The following CALN1 variants were observed in gnomAD, a reference collection of about 807,000 sequenced individuals.
CALN1 encodes calneuron 1, also known as calcium-binding protein 8.
CALN1 carries 17 observed loss-of-function variants against 30.6 expected under a neutral mutation model. That is an observed-to-expected ratio of 0.56 (90% CI 0.38 to 0.83). The LOEUF is 0.83. Ranked by LOEUF, CALN1 falls within the 40% of genes least tolerant of loss-of-function variation. CALN1 has a pLI of 0.00. For missense variants in CALN1, 291 were observed against 354.9 expected (o/e 0.82, Z 1.45); for synonymous variants, 156 against 131.4 (o/e 1.19, Z -1.28).
At chr7:72,445,101 CACACA>C (rs1808485877) in intron 1 of CALN1, among the ~76,000 whole-genome samples, 1 of 134,856 alleles carries the variant, frequency 7.4e-6, no homozygotes, top group Non-Finnish European at 1.6e-5. Flanking sequence ...CACACACACA[CACACA>C]ACATTAAGTT....
intron 5 of CALN1, among the ~76,000 whole-genome samples, chr7:71,922,781 T>C (rs1299814679): frequency 7.2e-6 from 1 of 139,410 alleles, no homozygotes; most frequent in East Asian, 2.0e-4. Context: ...TATATATAAA[T>C]ATATAACAGA....
chr7:72,498,140 T>TCA, the CALN1 span, among the ~76,000 whole-genome samples: 1 of 152,010 alleles, frequency 6.6e-6, no homozygotes, highest in Non-Finnish European at 1.5e-5. Context: ...CCAAAAGTAA[T>TCA]CCAATGTATA....
chr7:71,979,734 G>A (rs1477140303), intron 5 of CALN1, among the ~76,000 whole-genome samples: 1 of 152,048 alleles, frequency 6.6e-6, no homozygotes, highest in Non-Finnish European at 1.5e-5. Context: ...ATGATACTCT[G>A]CCTACTGCTA....
chr7:72,280,086 C>T (rs1797632769), intron 2 of CALN1, among the ~76,000 whole-genome samples: 1 of 152,226 alleles, frequency 6.6e-6, no homozygotes, highest in South Asian at 2.1e-4. Context: ...GCAGACCCAG[C>T]TAAGTGCCAG....
At chr7:71,890,612 C>T (rs1030613019) in intron 5 of CALN1, among the ~76,000 whole-genome samples, 1 of 152,108 alleles carries the variant, frequency 6.6e-6, no homozygotes, top group African/African-American at 2.4e-5. Context: ...AATATTTTAT[C>T]TAGACATAAC....
At chr7:72,207,467 TTAGTAG>T (rs57532477) in intron 3 of CALN1, among the ~76,000 whole-genome samples, 1,817 of 151,764 alleles carry the variant, frequency 0.012, 36 homozygotes, top group African/African-American at 0.042. Flanking sequence ...GTTTGTTTAT[TTAGTAG>T]TAGTAGTAGT....
intron 5 of CALN1, among the ~76,000 whole-genome samples, chr7:71,970,126 G>A (rs1797722406): frequency 6.6e-6 from 1 of 152,146 alleles, no homozygotes; most frequent in South Asian, 2.1e-4. Context: ...TAGGATTACA[G>A]GCATGAGCCA....
intron 2 of CALN1, among the ~76,000 whole-genome samples, chr7:72,285,471 C>T (rs367992680): frequency 2.0e-5 from 3 of 152,234 alleles, no homozygotes; most frequent in East Asian, 3.9e-4. Flanking sequence ...TCTCGATCTC[C>T]TGACCTTGTG....
intron 4 of CALN1, among the ~76,000 whole-genome samples, chr7:72,043,763 A>G (rs1802281038): frequency 6.6e-6 from 1 of 152,162 alleles, no homozygotes; most frequent in Non-Finnish European, 1.5e-5. Context: ...AATAAAAAAG[A>G]GGTAAAGGGG....
At chr7:72,309,767 G>A (rs926708866) in intron 2 of CALN1, among the ~76,000 whole-genome samples, 6 of 152,172 alleles carry the variant, frequency 3.9e-5, no homozygotes, top group African/African-American at 1.4e-4. Flanking sequence ...AAGCCAAAGA[G>A]GTCCAAAAGC....
intron 2 of CALN1, among the ~76,000 whole-genome samples, chr7:72,326,795 T>C (rs1801309691): frequency 6.6e-6 from 1 of 151,976 alleles, no homozygotes; most frequent in Non-Finnish European, 1.5e-5. Context: ...CACAGCTGAG[T>C]GTAGGGGAAA....
intron 4 of CALN1, among the ~76,000 whole-genome samples, chr7:72,098,450 T>C (rs1806392202): frequency 6.6e-6 from 1 of 152,082 alleles, no homozygotes; most frequent in Non-Finnish European, 1.5e-5. Context: ...ACATCTGTAA[T>C]CCCACCACTT....
At chr7:72,314,410 T>TAA (rs1800289971) in intron 2 of CALN1, among the ~76,000 whole-genome samples, 1 of 151,098 alleles carries the variant, frequency 6.6e-6, no homozygotes, top group Non-Finnish European at 1.5e-5. Context: ...TATATACACA[T>TAA]ATATATACAC....
chr7:71,922,332 C>T lies in CALN1; in HGVS notation c.501+101325G>A, dbSNP rs748573110. 3.3e-5 allele frequency among the ~76,000 whole-genome samples: 5 copies of T among 151,792 alleles called. No individual in the cohort carries two copies. The East Asian group carries it at 5.8e-4, about 18-fold the overall frequency. ...AAGAATTAACTGCCTCATGAATAAA[C>T]GAAAGAATGAATGAATTCAACGACA... On this transcript the variant is annotated intron_variant, in intron 5 of 6. Transcript: ENST00000395275.
At chr7:71,902,790 T>C (rs916323958) in intron 5 of CALN1, among the ~76,000 whole-genome samples, 3 of 152,162 alleles carry the variant, frequency 2.0e-5, no homozygotes, top group Non-Finnish European at 2.9e-5. Context: ...TATTACGGAA[T>C]ACTACTCAGC....
intron 5 of CALN1, among the ~76,000 whole-genome samples, chr7:71,868,430 G>A (rs899353170): frequency 2.7e-5 from 4 of 150,470 alleles, no homozygotes; most frequent in African/African-American, 9.8e-5. Context: ...GGAGTGCGGT[G>A]GCACTATCTC....
At chr7:72,333,097 G>A (rs1028922887) in intron 2 of CALN1, among the ~76,000 whole-genome samples, 1 of 152,036 alleles carries the variant, frequency 6.6e-6, no homozygotes, top group Admixed American at 6.6e-5. Context: ...TATTCTCCAC[G>A]TGTTCTAATT....
rs1057241818 is a variant in CALN1, at chr7:72,190,854, T to C, written c.245-84560A>G. On this transcript the variant is annotated intron_variant, in intron 3 of 6. Transcript: ENST00000395275. ...TACATCGATTTATTATTATTTTTTT[T>C]CAGTTAAAAAATGTGTGTCTTTATT... is the stretch of plus-strand genomic sequence containing the variant. Among the ~76,000 whole-genome samples the C allele has an allele frequency of 3.3e-5, 5 of 152,058 alleles. No homozygotes were observed. In the East Asian group the frequency reaches 5.8e-4, roughly 18 times the overall value.
chr7:72,079,218 C>A (rs369669153), intron 4 of CALN1, among the ~76,000 whole-genome samples: 6 of 152,236 alleles, frequency 3.9e-5, no homozygotes, highest in African/African-American at 1.2e-4. Context: ...TACTGGGAGA[C>A]CTCGGGCAAT....
Sources: allele counts gnomAD v4.1 joint callset (sites outside exome capture counted in the v4.1 genomes callset), GRCh38; gene constraint gnomAD v4.1.1; transcripts MANE v1.5; gene names NCBI Gene and HGNC (gene_info 2026-07-23, HGNC 2026-07-21).